Variants in CD247 observed in about 807,000 individuals in gnomAD.
CD247 encodes CD247 molecule, also known as T-cell surface glycoprotein CD3 zeta chain.
CD247 carries 13 observed loss-of-function variants against 30.0 expected under a neutral mutation model. The ratio of observed to expected loss-of-function variants is 0.43; its 90% confidence interval spans 0.28 to 0.69. The LOEUF (loss-of-function observed/expected upper bound fraction) is 0.69, where lower values mean the gene tolerates loss of function less well. CD247 is among the 30% of genes least tolerant of loss of function. The probability of loss-of-function intolerance (pLI) is 0.16; values close to 1 mark genes in which losing one functional copy is unlikely to be tolerated. For missense variants in CD247, 193 were observed against 212.6 expected, an observed-to-expected ratio of 0.91 and a Z score of 0.57; for synonymous variants, 72 against 80.0, an observed-to-expected ratio of 0.90 and a Z score of 0.53.
At chr1:167,453,935 T>C (rs1391226607) in intron 1 of CD247, among the ~76,000 whole-genome samples, 1 of 152,052 alleles carries the variant, frequency 6.6e-6, no homozygotes, top group Admixed American at 6.6e-5. Flanking sequence ...CTACCCTCCA[T>C]CCTGGGCAAC....
At chr1:167,484,437 G>A (rs1299325178) in intron 1 of CD247, among the ~76,000 whole-genome samples, 1 of 152,168 alleles carries the variant, frequency 6.6e-6, no homozygotes, top group East Asian at 1.9e-4. Flanking sequence ...CAAGTTTCTG[G>A]AGGAGGAGGA....
rs1377686432 is a variant in CD247, at chr1:167,494,890, G to A, written c.58+23518C>T. On this transcript the variant is annotated intron_variant, in intron 1 of 7. Transcript: ENST00000362089. This position sits in a 1 kb window ranked among gnomAD's most constrained non-coding sequence, Gnocchi z 7.3. ...TTCCAGGACTTTACTCTACAGCAAA[G>A]CAGTCCGGGTTCCAGAGAGCCCAGG... Among the ~76,000 whole-genome samples, 1 of 152,190 alleles carries A rather than the reference G, an allele frequency of 6.6e-6. No homozygotes were observed. Among genetic ancestry groups the A allele is most frequent in the Non-Finnish European group, 1.5e-5 (1 of 68,042 alleles).
At chr1:167,486,028 C>T (rs572355974) in intron 1 of CD247, among the ~76,000 whole-genome samples, 3 of 152,290 alleles carry the variant, frequency 2.0e-5, no homozygotes, top group African/African-American at 4.8e-5. Flanking sequence ...CTGCCATCCA[C>T]ACACCACTCT....
chr1:167,435,652 C>G (rs923966658), intron 4 of CD247, among the ~76,000 whole-genome samples: 1 of 152,236 alleles, frequency 6.6e-6, no homozygotes, highest in African/African-American at 2.4e-5. Context: ...ATACACACTT[C>G]GCTCTTCCAG....
intron 1 of CD247, among the ~76,000 whole-genome samples, chr1:167,447,425 C>A (rs1348026999): frequency 6.6e-6 from 1 of 152,020 alleles, no homozygotes; most frequent in Non-Finnish European, 1.5e-5. Flanking sequence ...AAGCTCAGCA[C>A]CCAGCAATCA....
chr1:167,481,764 G>A (rs1653981759), intron 1 of CD247, among the ~76,000 whole-genome samples: 2 of 152,294 alleles, frequency 1.3e-5, no homozygotes, highest in African/African-American at 4.8e-5. Flanking sequence ...AAGCAGTGGT[G>A]GGGTGGGGCG....
At chr1:167,464,075 G>T (rs1484057955) in intron 1 of CD247, among the ~76,000 whole-genome samples, 1 of 152,016 alleles carries the variant, frequency 6.6e-6, no homozygotes, top group East Asian at 1.9e-4. Context: ...GGAAAGTGTT[G>T]TGTGTTTGAT....
At chr1:167,448,562 A>G in intron 1 of CD247, 1 of 982,988 alleles carries the variant, frequency 1.0e-6, no homozygotes, top group Non-Finnish European at 1.2e-6. Flanking sequence ...TGCTTATAGC[A>G]ATGACCCACT....
intron 1 of CD247, among the ~76,000 whole-genome samples, chr1:167,471,831 C>CTTT (rs111891678): frequency 1.8e-4 from 21 of 117,178 alleles, no homozygotes; most frequent in African/African-American, 2.5e-4. Context: ...CTGTTTCTTT[C>CTTT]TTTTTTTTTT....
chr1:167,477,686 C>T (rs1328386582), intron 1 of CD247, among the ~76,000 whole-genome samples: 1 of 152,116 alleles, frequency 6.6e-6, no homozygotes, highest in Admixed American at 6.5e-5. Context: ...TGCACCACCA[C>T]TTTTGGCTAA....
intron 1 of CD247, among the ~76,000 whole-genome samples, chr1:167,492,246 G>A (rs1322147780): frequency 1.3e-5 from 2 of 152,188 alleles, no homozygotes; most frequent in Admixed American, 6.5e-5. Context: ...GTATTGGAGC[G>A]TGCTCACAGT....
chr1:167,450,911 CAAAAAAAA>C (rs35555237), intron 1 of CD247, among the ~76,000 whole-genome samples: 1 of 116,496 alleles, frequency 8.6e-6, no homozygotes, highest in African/African-American at 3.2e-5. Context: ...GCATCTGTCT[CAAAAAAAA>C]AAAAAAAAGA....
intron 1 of CD247, among the ~76,000 whole-genome samples, chr1:167,443,820 C>A (rs188290484): frequency 2.6e-5 from 4 of 152,156 alleles, no homozygotes; most frequent in Admixed American, 2.6e-4. Context: ...GGATATTAAC[C>A]CCAACATAAT....
chr1:167,490,937 T>A (rs1303342839), intron 1 of CD247, among the ~76,000 whole-genome samples: 1 of 151,710 alleles, frequency 6.6e-6, no homozygotes, highest in Non-Finnish European at 1.5e-5. Context: ...AGACTCTGTC[T>A]CAAAATAATA....
Position 167,439,603 on chromosome 1 carries a change from C to A in CD247, c.163-203G>T, listed in dbSNP as rs1651724124. On this transcript the variant is annotated intron_variant, in intron 2 of 7. Transcript: ENST00000362089. Reference sequence around the variant, plus strand: ...CTGAGCCCAGTTGTCCTTTTTCCTCCCGCCTGTGACACGTGCATTCATCAC... The same window carrying A: ...CTGAGCCCAGTTGTCCTTTTTCCTCACGCCTGTGACACGTGCATTCATCAC... 1.2e-5 allele frequency: 7 copies of A among 599,122 alleles called. No homozygotes were observed. In the South Asian group the frequency reaches 1.2e-4, roughly 10 times the overall value. 37.1% of individuals were successfully genotyped at this position (599,122 alleles called of 1,614,324 possible).
intron 1 of CD247, among the ~76,000 whole-genome samples, chr1:167,459,424 C>A (rs960743519): frequency 1.4e-5 from 2 of 144,348 alleles, no homozygotes; most frequent in Admixed American, 7.3e-5. Flanking sequence ...ATGATCTCAG[C>A]CCACTGCAAC....
At chr1:167,438,448 C>T (rs1651649069) in intron 4 of CD247, 122 bp downstream of exon 4, 1 of 818,294 alleles carries the variant, frequency 1.2e-6, no homozygotes, top group African/African-American at 1.7e-5. Flanking sequence ...TTCTCTTGTC[C>T]TGGGCCCACA....
At chr1:167,451,720 C>T (rs1022046517) in intron 1 of CD247, among the ~76,000 whole-genome samples, 1 of 152,268 alleles carries the variant, frequency 6.6e-6, no homozygotes, top group Admixed American at 6.5e-5. Context: ...AGAATGTGAC[C>T]GTACTTGAAG....
intron 1 of CD247, among the ~76,000 whole-genome samples, chr1:167,461,308 C>T (rs1041665982): frequency 2.6e-5 from 4 of 152,258 alleles, no homozygotes; most frequent in African/African-American, 7.2e-5. Flanking sequence ...GATCCACTAT[C>T]AGAGCCAATG....
Sources: gnomAD v4.1 joint callset for allele counts (sites outside exome capture counted in the v4.1 genomes callset) on GRCh38, gnomAD v4.1.1 for gene constraint, Gnocchi (gnomAD v3.1) non-coding constraint, MANE v1.5 for transcripts, NCBI Gene and HGNC (gene_info 2026-07-23, HGNC 2026-07-21) for gene names.